Variants in TOP1 observed in about 807,000 individuals in gnomAD.
TOP1 encodes the protein DNA topoisomerase I, also known as DNA topoisomerase 1.
In TOP1, 10 loss-of-function variants were observed where a neutral mutation model predicts 111.1. The observed-to-expected ratio is 0.09, with a 90% CI of 0.06 to 0.15. The LOEUF is 0.15. Among genes scored for constraint, TOP1 ranks in the 10% least tolerant of loss-of-function variants. TOP1 has a pLI of 1.00. For missense variants in TOP1, 474 were observed against 926.7 expected, an observed-to-expected ratio of 0.51 and a Z score of 6.34; for synonymous variants, 271 against 302.9, an observed-to-expected ratio of 0.89 and a Z score of 1.10.
chr20:41,093,627 G>A (rs550603860), intron 9 of TOP1, among the ~76,000 whole-genome samples: 5 of 151,986 alleles, frequency 3.3e-5, no homozygotes, highest in South Asian at 2.1e-4. Context: ...CCCACCGCCC[G>A]CACTGAAAAG....
At position 41,029,005 on chromosome 20, in the gene TOP1, T is replaced by G. The variant is rs2033077928; in HGVS notation, c.-63T>G. On this transcript the variant is annotated 5_prime_UTR_variant, in exon 1 of 21. Transcript: ENST00000361337. This position sits in a 1 kb window ranked among gnomAD's most constrained non-coding sequence, Gnocchi z 6.1. ...GTCCCCGTCCGCCCGCACAGGCCGG[T>G]TCGCCGTCTGCGTCTCCCCCACGCC... 64 of 1,471,348 alleles carry G rather than the reference T, an allele frequency of 4.3e-5. 2 individuals carry two copies. The South Asian group carries it at 7.6e-4, about 18-fold the overall frequency. The allele number at this position is 1,471,348 out of a possible 1,614,324, so 91.1% of individuals were successfully genotyped here. A position where few individuals can be genotyped will look rare whatever the true frequency, so the allele number is the denominator to read the frequency against.
rs938132654 is a variant in TOP1, at chr20:41,112,303, G to A, written c.1309-479G>A. ...GTCACAGAGTTGGCAGCAAGGCTGT[G>A]AAATTGATGTGGGAATGGGGGTGAT... is the stretch of plus-strand genomic sequence containing the variant. On this transcript the variant is annotated intron_variant, in intron 13 of 20. Transcript: ENST00000361337. The surrounding 1 kb of genome is among the most constrained non-coding windows in gnomAD (Gnocchi z 5.8). Among the ~76,000 whole-genome samples the A allele has an allele frequency of 5.3e-5, 8 of 152,238 alleles. No individual in the cohort carries two copies. The highest frequency in any genetic ancestry group is 1.9e-4 in the African/African-American group (8 of 41,460).
At position 41,069,476 on chromosome 20, in the gene TOP1, T is replaced by G. The variant is rs953998012; in HGVS notation, c.156-6695T>G. Among the ~76,000 whole-genome samples the G allele has an allele frequency of 5.3e-5, 8 of 152,230 alleles. No individual in the cohort carries two copies. Among genetic ancestry groups the G allele is most frequent in the Non-Finnish European group, 1.2e-4 (8 of 68,046 alleles). On this transcript the variant is annotated intron_variant, in intron 3 of 20. Coordinates refer to ENST00000361337, the MANE Select transcript of TOP1 (RefSeq NM_003286.4). This position sits in a 1 kb window ranked among gnomAD's most constrained non-coding sequence, Gnocchi z 4.1. ...AGTTAAGAGGCTGGGTTCTGTCATT[T>G]ATAAGCTACGTGTCGTGATCCAAGG... is the stretch of plus-strand genomic sequence containing the variant.
rs1212590344 is a variant in TOP1, at chr20:41,082,923, A to C, written c.508-1539A>C. Among the ~76,000 whole-genome samples the C allele has an allele frequency of 6.6e-6, 1 of 152,122 alleles. No individual in the cohort carries two copies. The highest frequency in any genetic ancestry group is 1.5e-5 in the Non-Finnish European group (1 of 68,012). ...TTGGGAAAAAAGAACAGTTGACTTCATTTGTTATTATTCTATTTAGCAGCC... is the reference window on the plus strand; with the variant it reads ...TTGGGAAAAAAGAACAGTTGACTTCCTTTGTTATTATTCTATTTAGCAGCC... On this transcript the variant is annotated intron_variant, in intron 7 of 20. Transcript: ENST00000361337. The surrounding 1 kb of genome is among the most constrained non-coding windows in gnomAD (Gnocchi z 4.1).
chr20:41,048,732 A>C (rs968292431), intron 2 of TOP1, among the ~76,000 whole-genome samples: 27 of 152,254 alleles, frequency 1.8e-4, no homozygotes, highest in African/African-American at 6.5e-4. Context: ...CTTGTAGATC[A>C]AGTAACATAC....
In TOP1 at chr20:41,095,817, G is replaced by A. The variant is rs1467678677; in HGVS notation, c.731-1403G>A. The stretch of plus-strand genomic sequence containing the variant: ...GGAATTATAGTTAACCTCATTTTAA[G>A]TATAGCCAAATGCTCTTAGTATAGC... On this transcript the variant is annotated intron_variant, in intron 9 of 20. Transcript: ENST00000361337. This position sits in a 1 kb window ranked among gnomAD's most constrained non-coding sequence, Gnocchi z 4.6. Among the ~76,000 whole-genome samples, 2 of 152,218 alleles carry A rather than the reference G, an allele frequency of 1.3e-5. No homozygotes were observed. Among genetic ancestry groups the A allele is most frequent in the Non-Finnish European group, 2.9e-5 (2 of 68,040 alleles).
intron 3 of TOP1, among the ~76,000 whole-genome samples, chr20:41,070,390 G>A (rs577623427): frequency 1.3e-5 from 2 of 152,148 alleles, no homozygotes; most frequent in South Asian, 2.1e-4. Context: ...AATATAAAAC[G>A]CCGGAGTCCT....
intron 13 of TOP1, among the ~76,000 whole-genome samples, chr20:41,105,750 T>C (rs75156662): frequency 0.07 from 10,650 of 152,264 alleles, 391 homozygotes; most frequent in Middle Eastern, 0.17. Context: ...TCACCTCAGC[T>C]GCACAAAGTG....
intron 3 of TOP1, among the ~76,000 whole-genome samples, chr20:41,066,038 A>G (rs1373449890): frequency 6.6e-6 from 1 of 152,228 alleles, no homozygotes; most frequent in East Asian, 1.9e-4. Context: ...TACAGATCAG[A>G]TGAAGAATGT....
At chr20:41,047,290 G>A (rs1325878291) in intron 2 of TOP1, among the ~76,000 whole-genome samples, 1 of 152,214 alleles carries the variant, frequency 6.6e-6, no homozygotes, top group Non-Finnish European at 1.5e-5. Flanking sequence ...TAAGATAGAA[G>A]GTGGTATTTT....
At chr20:41,073,399 A>C (rs2033690188) in intron 3 of TOP1, 1 of 979,530 alleles carries the variant, frequency 1.0e-6, no homozygotes, top group South Asian at 4.7e-5. Flanking sequence ...GAAAGAAAGA[A>C]AAGAAAAGAA....
At position 41,121,460 on chromosome 20, in the gene TOP1, C is replaced by T. The variant is rs1182306317; in HGVS notation, c.1951-236C>T. Among the ~76,000 whole-genome samples the T allele has an allele frequency of 6.6e-6, 1 of 152,216 alleles. No individual in the cohort carries two copies. Among genetic ancestry groups the T allele is most frequent in the East Asian group, 1.9e-4 (1 of 5,206 alleles). The stretch of plus-strand genomic sequence containing the variant: ...CCAGCGGGTTCCTTTCCCTGAGCCC[C>T]TAGGTTACTGCCCTGTAAAACCCTT... On this transcript the variant is annotated intron_variant, in intron 18 of 20. Transcript: ENST00000361337. The surrounding 1 kb of genome is among the most constrained non-coding windows in gnomAD (Gnocchi z 4.2).
chr20:41,055,082 C>T (rs2145923543), intron 2 of TOP1, among the ~76,000 whole-genome samples: 1 of 152,256 alleles, frequency 6.6e-6, no homozygotes, highest in South Asian at 2.1e-4. Context: ...AGTTAGTTGC[C>T]ATAAGTCTTC....
intron 5 of TOP1, among the ~76,000 whole-genome samples, chr20:41,077,921 T>C (rs551856409): frequency 2.0e-5 from 3 of 151,284 alleles, no homozygotes; most frequent in Non-Finnish European, 4.4e-5. Context: ...ATCACAAAAT[T>C]TGTATTTTAA....
intron 11 of TOP1, among the ~76,000 whole-genome samples, chr20:41,099,140 C>T (rs1251328672): frequency 1.3e-5 from 2 of 152,150 alleles, no homozygotes; most frequent in Non-Finnish European, 1.5e-5. Context: ...TGCGTGTTTA[C>T]GTAATTCAGA....
chr20:41,072,294 T>G, intron 3 of TOP1: 1 of 985,098 alleles, frequency 1.0e-6, no homozygotes, highest in Non-Finnish European at 1.2e-6. Flanking sequence ...GATAATACAG[T>G]ATCTCTTAAA....
rs570897681 is a variant in TOP1, at chr20:41,032,836, G to A, written c.58+3381G>A. On this transcript the variant is annotated intron_variant, in intron 2 of 20. Transcript: ENST00000361337. The surrounding 1 kb of genome is among the most constrained non-coding windows in gnomAD (Gnocchi z 4.3). ...GCGGTAGCATAGCTGATTGCGGTGGGGGAATTTCAGATAGCTGATGATGTG... is the reference window on the plus strand; with the variant it reads ...GCGGTAGCATAGCTGATTGCGGTGGAGGAATTTCAGATAGCTGATGATGTG... Among the ~76,000 whole-genome samples, 1 of 152,246 alleles carries A rather than the reference G, an allele frequency of 6.6e-6. No homozygotes were observed. The highest frequency in any genetic ancestry group is 1.9e-4 in the East Asian group (1 of 5,182).
At chr20:41,036,753 G>T (rs1230718986) in intron 2 of TOP1, among the ~76,000 whole-genome samples, 2 of 151,920 alleles carry the variant, frequency 1.3e-5, no homozygotes, top group Non-Finnish European at 2.9e-5. Context: ...TTACAAAGCG[G>T]TCACTGTAAA....
rs1260786221 is a variant in TOP1, at chr20:41,112,642, G to A, written c.1309-140G>A. 1.0e-5 allele frequency: 9 copies of A among 870,814 alleles called. No individual in the cohort carries two copies. The highest frequency in any genetic ancestry group is 1.8e-5 in the South Asian group (1 of 56,474). 53.9% of individuals were successfully genotyped at this position (870,814 alleles called of 1,614,324 possible). ...GCTCACTGCAACCTCTGCCTCCTGC[G>A]TTCAAGCAATTCTTGTGTCTTAGCC... On this transcript the variant is annotated intron_variant, in intron 13 of 20. Transcript: ENST00000361337. The surrounding 1 kb of genome is among the most constrained non-coding windows in gnomAD (Gnocchi z 5.8).
Sources: allele counts gnomAD v4.1 joint callset (sites outside exome capture counted in the v4.1 genomes callset), GRCh38; gene constraint gnomAD v4.1.1; non-coding constraint Gnocchi (gnomAD v3.1); transcripts MANE v1.5; gene names NCBI Gene and HGNC (gene_info 2026-07-23, HGNC 2026-07-21).